OR6B3: variants seen among roughly 807,000 people sequenced by gnomAD.
OR6B3 encodes the protein olfactory receptor family 6 subfamily B member 3.
For missense variants in OR6B3, 315 were observed against 427.4 expected (o/e 0.74, Z 2.32); for synonymous variants, 148 against 187.8 (o/e 0.79, Z 1.73).
At chr2:240,046,213 G>C (rs1698187023) in intron 1 of OR6B3, 116 bp from the exon 3 acceptor site, 3 of 653,866 alleles carry the variant, frequency 4.6e-6, no homozygotes, top group Non-Finnish European at 7.8e-6. Context: ...TGGCTCCCCA[G>C]AGCACCAGTG....
chr2:240,047,697 G>A (rs7585039), upstream of OR6B3, among the ~76,000 whole-genome samples: 32,492 of 150,270 alleles, frequency 0.22, 3,616 homozygotes, highest in South Asian at 0.3. Flanking sequence ...AAAAAGTTAT[G>A]CACTGGATTA....
chr2:240,044,946 TACA>T, downstream of OR6B3: 1 of 782,854 alleles, frequency 1.3e-6, no homozygotes, highest in Non-Finnish European at 2.1e-6. Context: ...GTACTGGTAT[TACA>T]ACACCAACAA....
At chr2:240,050,784 T>C (rs1698248465), upstream of OR6B3, among the ~76,000 whole-genome samples, 1 of 148,226 alleles carries the variant, frequency 6.7e-6, no homozygotes, top group Admixed American at 6.7e-5. Context: ...CAGACTCTAG[T>C]ACATGCCTCT....
chr2:240,048,748 C>T (rs1698223279), upstream of OR6B3, among the ~76,000 whole-genome samples: 2 of 152,222 alleles, frequency 1.3e-5, no homozygotes, highest in South Asian at 4.1e-4. Flanking sequence ...TTTCTTTTCA[C>T]CACCACAACC....
At chr2:240,052,042 T>G in the OR6B3 span, among the ~76,000 whole-genome samples, 1 of 152,220 alleles carries the variant, frequency 6.6e-6, no homozygotes, top group Admixed American at 6.5e-5. This position sits in a 1 kb window ranked among gnomAD's most constrained non-coding sequence, Gnocchi z 4.5. Flanking sequence ...AAAATTATCA[T>G]TATTTCCAGA....
At chr2:240,049,197 T>C (rs1034009771), upstream of OR6B3, among the ~76,000 whole-genome samples, 1 of 152,130 alleles carries the variant, frequency 6.6e-6, no homozygotes, top group African/African-American at 2.4e-5. Flanking sequence ...AGCAGGATTA[T>C]CACCAGGTAC....
chr2:240,047,238 C>T (rs143435930), upstream of OR6B3, among the ~76,000 whole-genome samples: 1 of 152,102 alleles, frequency 6.6e-6, no homozygotes, highest in African/African-American at 2.4e-5. Context: ...GTTGAACGAA[C>T]CTAAAGCAAA....
chr2:240,050,387 C>T (rs76983207), upstream of OR6B3, among the ~76,000 whole-genome samples: 5 of 152,276 alleles, frequency 3.3e-5, no homozygotes, highest in East Asian at 3.9e-4. Flanking sequence ...ATCCTCAACA[C>T]GGAGTCAGCA....
At chr2:240,049,598 C>G (rs1384392810), upstream of OR6B3, among the ~76,000 whole-genome samples, 1 of 152,218 alleles carries the variant, frequency 6.6e-6, no homozygotes, top group African/African-American at 2.4e-5. Context: ...TGAAGAAACA[C>G]ACATTCAGAC....
At chr2:240,046,178 A>C (rs1307019440) in intron 1 of OR6B3, 81 bp from the exon 3 acceptor site, 5 of 1,026,476 alleles carry the variant, frequency 4.9e-6, no homozygotes, top group African/African-American at 1.6e-5. Flanking sequence ...CTGGATAGGG[A>C]GTTTTGGTGT....
chr2:240,051,221 C>T (rs544295472), upstream of OR6B3, among the ~76,000 whole-genome samples: 4 of 152,248 alleles, frequency 2.6e-5, no homozygotes, highest in East Asian at 1.9e-4. Context: ...GAAGGGTTGG[C>T]GCTATTTACC....
chr2:240,047,579 T>C (rs1386285531), upstream of OR6B3, among the ~76,000 whole-genome samples: 1 of 152,260 alleles, frequency 6.6e-6, no homozygotes, highest in African/African-American at 2.4e-5. Flanking sequence ...AATGTTTTTA[T>C]GGCAACCCTT....
upstream of OR6B3, among the ~76,000 whole-genome samples, chr2:240,050,160 GA>G (rs557233508): frequency 6.6e-6 from 1 of 151,632 alleles, no homozygotes; most frequent in African/African-American, 2.4e-5. Flanking sequence ...CCAAGTCATA[GA>G]AAAAAAATCT....
rs1202930143 is a variant in OR6B3 at position 240,045,657 on chromosome 2, C to G, written c.416G>C (p.Gly139Ala). The G allele has an allele frequency of 2.2e-6, 3 of 1,345,450 alleles. No individual in the cohort carries two copies. In the African/African-American group the frequency reaches 4.4e-5, roughly 20 times the overall value. 83.3% of individuals were successfully genotyped at this position (1,345,450 alleles called of 1,614,324 possible). ...GAAGCCCACCAGCTGGAGGCACAGC[C>G]CCGGGGTCACAAGGACGTGGTAGCG... Residue 139 changes from glycine to alanine, a missense_variant, in exon 2 of 2, where the codon GGG becomes GCG. By Grantham distance (60) the Gly-to-Ala change is moderately conservative (BLOSUM62 0). Transcript: ENST00000641019.
chr2:240,045,042 G>T (rs747666422), downstream of OR6B3: 7 of 1,515,576 alleles, frequency 4.6e-6, no homozygotes, highest in Non-Finnish European at 6.2e-6. Context: ...AAATAAATGC[G>T]GTACTACAAT....
At chr2:240,045,194 C>A in exon 2 of OR6B3, 2 of 1,614,216 alleles carry the variant, frequency 1.2e-6, no homozygotes, top group Non-Finnish European at 1.7e-6. Context: ...ATTCCTTATT[C>A]CTCAGGCAGT....
rs1698184306 is a variant in OR6B3 at position 240,046,055 on chromosome 2, G to A, written c.18C>T (p.Val6=). 5.0e-6 allele frequency: 8 copies of A among 1,613,298 alleles called. No homozygotes were observed. The East Asian group carries it at 1.1e-4, about 22-fold the overall frequency. Residue 6 remains valine, a synonymous_variant, in exon 2 of 2, where the codon GTC becomes GTT. Transcript: ENST00000641019. The stretch of plus-strand genomic sequence containing the variant: ...CCAGGATGAAGGTGCCGACCCTGGT[G>A]ACATTCTCCCCACTCATGCCTCTGT...
At chr2:240,050,434 G>A (rs946455123), upstream of OR6B3, among the ~76,000 whole-genome samples, 1 of 152,168 alleles carries the variant, frequency 6.6e-6, no homozygotes, top group African/African-American at 2.4e-5. Context: ...ATGGACAGGG[G>A]CCGGGCGCAG....
exon 2 of OR6B3, chr2:240,045,114 A>G (rs767681540): frequency 6.2e-7 from 1 of 1,606,768 alleles, no homozygotes; most frequent in South Asian, 1.1e-5. Flanking sequence ...ATGAAGTTCC[A>G]GAAGACTAGA....
Sources: gnomAD v4.1 joint callset for allele counts (sites outside exome capture counted in the v4.1 genomes callset) on GRCh38, gnomAD v4.1.1 for gene constraint, Gnocchi (gnomAD v3.1) non-coding constraint, MANE v1.5 for transcripts, NCBI Gene and HGNC (gene_info 2026-07-23, HGNC 2026-07-21) for gene names.